ASTN2: variants seen among roughly 807,000 people sequenced by gnomAD.
ASTN2 encodes astrotactin-2.
In ASTN2, 54 loss-of-function variants were observed where a neutral mutation model predicts 139.8. The ratio of observed to expected loss-of-function variants is 0.39; its 90% CI spans 0.31 to 0.48. The LOEUF is 0.48. ASTN2 is among the 20% of genes least tolerant of loss of function. The pLI is 0.95. For missense variants in ASTN2, 1,565 were observed against 1,725.1 expected (o/e 0.91, Z 1.64); for synonymous variants, 756 against 719.5 (o/e 1.05, Z -0.81).
chr9:117,102,411 C>T (rs1829000849), intron 4 of ASTN2, among the ~76,000 whole-genome samples: 1 of 152,082 alleles, frequency 6.6e-6, no homozygotes, highest in South Asian at 2.1e-4. Context: ...CAGTTAATAA[C>T]TATTGAGTTT....
intron 3 of ASTN2, among the ~76,000 whole-genome samples, chr9:117,214,032 G>T (rs1832227263): frequency 6.6e-6 from 1 of 152,144 alleles, no homozygotes; most frequent in Non-Finnish European, 1.5e-5. Context: ...CAGTAATTGT[G>T]TGGAAATGAG....
chr9:116,859,387 C>T (rs190034257), intron 11 of ASTN2, among the ~76,000 whole-genome samples: 4 of 152,286 alleles, frequency 2.6e-5, no homozygotes, highest in African/African-American at 9.6e-5. Flanking sequence ...AAGGTTACCA[C>T]AGCAGAACCA....
chr9:116,479,235 G>A (rs1309920600), intron 20 of ASTN2, among the ~76,000 whole-genome samples: 1 of 152,180 alleles, frequency 6.6e-6, no homozygotes, highest in African/African-American at 2.4e-5. Flanking sequence ...GGCTCCTGAT[G>A]ACTTTCATGC....
At chr9:117,094,155 AAAGGGAGG>A (rs1418316200) in intron 5 of ASTN2, among the ~76,000 whole-genome samples, 5 of 58,854 alleles carry the variant, frequency 8.5e-5, no homozygotes, top group African/African-American at 1.3e-4. Flanking sequence ...AGGGAGGGAG[AAAGGGAGG>A]AAGGGAGGAA....
intron 19 of ASTN2, among the ~76,000 whole-genome samples, chr9:116,494,171 AAG>A (rs1253250344): frequency 6.6e-6 from 1 of 152,078 alleles, no homozygotes; most frequent in Non-Finnish European, 1.5e-5. Flanking sequence ...AGGTAGTAGA[AAG>A]AGAGTGGGTT....
chr9:116,463,543 TTC>T (rs772154178), intron 20 of ASTN2, among the ~76,000 whole-genome samples: 6 of 152,218 alleles, frequency 3.9e-5, no homozygotes, highest in Non-Finnish European at 7.3e-5. Context: ...CTGCTGAATG[TTC>T]TCTCTGCCTA....
chr9:116,844,826 A>C (rs1832379465), intron 11 of ASTN2, among the ~76,000 whole-genome samples: 2 of 152,180 alleles, frequency 1.3e-5, no homozygotes, highest in African/African-American at 4.8e-5. Flanking sequence ...CATGCCAGCC[A>C]TCTGTGCAGC....
At chr9:117,111,287 C>G (rs1292712574) in intron 4 of ASTN2, among the ~76,000 whole-genome samples, 3 of 152,022 alleles carry the variant, frequency 2.0e-5, no homozygotes, top group Non-Finnish European at 4.4e-5. Flanking sequence ...AATTAGCAGA[C>G]AAGAACTTTA....
intron 7 of ASTN2, among the ~76,000 whole-genome samples, chr9:116,994,333 GACTCCTGC>G (rs1836950036): frequency 6.6e-6 from 1 of 152,150 alleles, no homozygotes; most frequent in Admixed American, 6.5e-5. Flanking sequence ...ATAGTTTGCT[GACTCCTGC>G]ACTGGACTAA....
chr9:116,801,813 T>G (rs1263637564), intron 13 of ASTN2, among the ~76,000 whole-genome samples: 1 of 151,918 alleles, frequency 6.6e-6, no homozygotes, highest in Non-Finnish European at 1.5e-5. Flanking sequence ...AATAGATTGC[T>G]CTAATATAAT....
intron 6 of ASTN2, among the ~76,000 whole-genome samples, chr9:117,028,569 G>T (rs1364588056): frequency 1.3e-5 from 2 of 151,946 alleles, no homozygotes; most frequent in Admixed American, 1.3e-4. Context: ...GGAAGCTGCG[G>T]AGGGGCCAGG....
chr9:117,021,450 T>A (rs1837876474), intron 6 of ASTN2, among the ~76,000 whole-genome samples: 1 of 152,168 alleles, frequency 6.6e-6, no homozygotes, highest in African/African-American at 2.4e-5. Context: ...TCTTGGGGTT[T>A]ACACAACAGG....
At chr9:116,441,954 A>G (rs1234034382) in intron 21 of ASTN2, among the ~76,000 whole-genome samples, 1 of 152,216 alleles carries the variant, frequency 6.6e-6, no homozygotes, top group African/African-American at 2.4e-5. Flanking sequence ...ATAATCACTG[A>G]TGGTAGCTCT....
intron 19 of ASTN2, among the ~76,000 whole-genome samples, chr9:116,525,403 G>A (rs980027245): frequency 6.6e-6 from 1 of 152,212 alleles, no homozygotes; most frequent in Admixed American, 6.5e-5. Flanking sequence ...ATGTGGCATA[G>A]GAGGAAGCAC....
intron 4 of ASTN2, among the ~76,000 whole-genome samples, chr9:117,115,328 C>T (rs563261101): frequency 3.4e-4 from 52 of 151,966 alleles, no homozygotes; most frequent in African/African-American, 1.2e-3. Flanking sequence ...ACCAGCATGG[C>T]CAACATGGTG....
At chr9:116,905,649 T>A (rs1834134995) in intron 10 of ASTN2, among the ~76,000 whole-genome samples, 1 of 152,168 alleles carries the variant, frequency 6.6e-6, no homozygotes, top group Non-Finnish European at 1.5e-5. Flanking sequence ...AATGGAAAGC[T>A]ATATATTAAA....
At chr9:117,048,936 C>T (rs1838826573) in intron 5 of ASTN2, among the ~76,000 whole-genome samples, 1 of 130,298 alleles carries the variant, frequency 7.7e-6, no homozygotes, top group Non-Finnish European at 1.7e-5. Context: ...GAAATAGAAT[C>T]TGTGCGCTCT....
At chr9:116,639,724 C>T (rs751788794) in intron 17 of ASTN2, among the ~76,000 whole-genome samples, 1 of 152,182 alleles carries the variant, frequency 6.6e-6, no homozygotes, top group Non-Finnish European at 1.5e-5. Context: ...GATTCCAGCC[C>T]TGGCTCTGAT....
At chr9:116,903,680 T>C (rs886717034) in intron 10 of ASTN2, among the ~76,000 whole-genome samples, 3 of 152,202 alleles carry the variant, frequency 2.0e-5, no homozygotes, top group Non-Finnish European at 4.4e-5. Context: ...CTTGTTGAGA[T>C]GGACTAAATG....
Sources: gnomAD v4.1 joint callset for allele counts (sites outside exome capture counted in the v4.1 genomes callset) on GRCh38, gnomAD v4.1.1 for gene constraint, MANE v1.5 for transcripts, NCBI Gene and HGNC (gene_info 2026-07-23, HGNC 2026-07-21) for gene names.